Variants in CYB5B observed in about 807,000 individuals in gnomAD.
The protein encoded by CYB5B is cytochrome b5 type B (outer mitochondrial membrane).
Under a neutral mutation model 21.3 loss-of-function variants are expected in CYB5B, and 14 were observed. The ratio of observed to expected loss-of-function variants is 0.66; its 90% CI spans 0.43 to 1.03. The LOEUF is 1.03. CYB5B is among the 50% of genes least tolerant of loss of function. The pLI, the probability that CYB5B is intolerant of heterozygous loss-of-function variation, is 0.00. For missense variants in CYB5B, 166 were observed against 185.1 expected, an observed-to-expected ratio of 0.90 and a Z score of 0.60; for synonymous variants, 69 against 68.4, an observed-to-expected ratio of 1.01 and a Z score of -0.04.
At chr16:69,459,363 T>G in intron 4 of CYB5B, 1 of 447,430 alleles carries the variant, frequency 2.2e-6, no homozygotes, top group South Asian at 4.0e-5. Flanking sequence ...TATTGTGACA[T>G]AAATTGGAAT....
At chr16:69,446,044 C>A (rs1013891534) in intron 1 of CYB5B, among the ~76,000 whole-genome samples, 4 of 152,086 alleles carry the variant, frequency 2.6e-5, no homozygotes, top group African/African-American at 9.7e-5. Flanking sequence ...TCACCATTTT[C>A]AGAGAGATTT....
chr16:69,462,705 C>G lies in CYB5B; in HGVS notation c.*185C>G. On this transcript the variant is annotated 3_prime_UTR_variant, in exon 5 of 5. Transcript: ENST00000307892. ...GCGTCTTCCATCTCTCAGAGCCTTA[C>G]TCCCAAAGTACCTGCTCACTGTTCC... 1 of 576,756 alleles carries G rather than the reference C, an allele frequency of 1.7e-6. No homozygotes were observed. Among genetic ancestry groups the G allele is most frequent in the Non-Finnish European group, 3.1e-6 (1 of 321,218 alleles). The allele number at this position is 576,756 out of a possible 1,614,324, so 35.7% of individuals were successfully genotyped here. A position where few individuals can be genotyped will look rare whatever the true frequency, so the allele number is the denominator to read the frequency against.
intron 1 of CYB5B, among the ~76,000 whole-genome samples, chr16:69,431,374 A>G (rs987018399): frequency 2.0e-5 from 3 of 152,166 alleles, no homozygotes; most frequent in African/African-American, 7.2e-5. Flanking sequence ...TATTAACCCA[A>G]CAAATATTTG....
chr16:69,444,609 A>G (rs1446084116), intron 1 of CYB5B, among the ~76,000 whole-genome samples: 1 of 152,186 alleles, frequency 6.6e-6, no homozygotes, highest in Non-Finnish European at 1.5e-5. Flanking sequence ...TTTTAGAGTG[A>G]AAGTTATTAA....
Position 69,462,858 on chromosome 16 carries a change from T to G in CYB5B, c.*338T>G. The stretch of plus-strand genomic sequence containing the variant: ...TAAAAATGCCTGCTTTCCAATACTT[T>G]GATTGCATATTAGACATTCTTAACA... On this transcript the variant is annotated 3_prime_UTR_variant, in exon 5 of 5. Transcript: ENST00000307892. 5.4e-6 allele frequency: 1 copy of G among 186,170 alleles called. No individual in the cohort carries two copies. The highest frequency in any genetic ancestry group is 1.2e-5 in the Non-Finnish European group (1 of 85,464). 11.5% of individuals were successfully genotyped at this position (186,170 alleles called of 1,614,324 possible).
chr16:69,460,851 T>G (rs2015028396), intron 4 of CYB5B, among the ~76,000 whole-genome samples: 1 of 152,200 alleles, frequency 6.6e-6, no homozygotes, highest in South Asian at 2.1e-4. Context: ...GTAGTCTAGA[T>G]GGATCTCCAA....
intron 4 of CYB5B, chr16:69,459,687 A>C (rs1262882487): frequency 6.6e-6 from 1 of 152,450 alleles, no homozygotes; most frequent in African/African-American, 2.4e-5. Context: ...ATGACTGTGG[A>C]ATCCTTGGCT....
chr16:69,433,138 A>G (rs923684348), intron 1 of CYB5B, among the ~76,000 whole-genome samples: 12 of 152,162 alleles, frequency 7.9e-5, no homozygotes, highest in East Asian at 3.8e-4. Flanking sequence ...ATCTGCCTCA[A>G]TGTTTTTCAT....
chr16:69,428,675 A>G (rs2014673928), intron 1 of CYB5B, among the ~76,000 whole-genome samples: 1 of 152,152 alleles, frequency 6.6e-6, no homozygotes, highest in African/African-American at 2.4e-5. Flanking sequence ...AAAAAGAAAA[A>G]TAATACAGGG....
At chr16:69,425,997 C>T (rs1219492934) in intron 1 of CYB5B, among the ~76,000 whole-genome samples, 1 of 152,060 alleles carries the variant, frequency 6.6e-6, no homozygotes, top group Non-Finnish European at 1.5e-5. Context: ...TAAAAGTTTC[C>T]CCCAAAGAAC....
chr16:69,451,654 T>G (rs2014931874), intron 3 of CYB5B, among the ~76,000 whole-genome samples: 1 of 152,070 alleles, frequency 6.6e-6, no homozygotes, highest in African/African-American at 2.4e-5. Flanking sequence ...CAAAACAGTA[T>G]ACTATAAAAA....
At position 69,435,728 on chromosome 16, in the gene CYB5B, C is replaced by T. The variant is rs961321797; in HGVS notation, c.174+10871C>T. Among the ~76,000 whole-genome samples, 32 of 152,106 alleles carry T rather than the reference C, an allele frequency of 2.1e-4. 1 individual carries two copies. Among genetic ancestry groups the T allele is most frequent in the Admixed American group, 2.0e-3 (31 of 15,268 alleles). On this transcript the variant is annotated intron_variant, in intron 1 of 4. Transcript: ENST00000307892. ...TCTCAGCTCATTACAACCTCTGCCT[C>T]CCGGGTTCAAGCAATTCTTCTGCCT...
At chr16:69,455,870 T>A (rs182107761) in intron 3 of CYB5B, among the ~76,000 whole-genome samples, 1 of 152,244 alleles carries the variant, frequency 6.6e-6, no homozygotes, top group Non-Finnish European at 1.5e-5. Flanking sequence ...GGTGTTTTCT[T>A]CTCTCTACCC....
chr16:69,465,759 C>T lies in CYB5B; in HGVS notation c.*3239C>T, dbSNP rs1200656278. On this transcript the variant is annotated 3_prime_UTR_variant, in exon 5 of 5. Coordinates refer to ENST00000307892, the MANE Select transcript of CYB5B (RefSeq NM_030579.3). ...GAACGTTAATGTTCATTACCTCCTC[C>T]TACCCCAAGAGAAATGGATTCAGAC... is the stretch of plus-strand genomic sequence containing the variant. 3.3e-5 allele frequency: 5 copies of T among 152,216 alleles called. No individual in the cohort carries two copies. Among genetic ancestry groups the T allele is most frequent in the Non-Finnish European group, 7.3e-5 (5 of 68,040 alleles). 9.4% of individuals were successfully genotyped at this position (152,216 alleles called of 1,614,324 possible).
chr16:69,453,278 C>A lies in CYB5B; in HGVS notation c.333+5134C>A, dbSNP rs147671645. Among the ~76,000 whole-genome samples, 360 of 152,022 alleles carry A rather than the reference C, an allele frequency of 2.4e-3. 6 individuals are homozygous for A. In the East Asian group the frequency reaches 0.027, roughly 12 times the overall value. On this transcript the variant is annotated intron_variant, in intron 3 of 4. Transcript: ENST00000307892. ...ATGCTACTGACTTTTATTATACATA[C>A]AGTTTTCTGTTATATAATGTATTAT...
chr16:69,437,116 T>C (rs1411487716), intron 1 of CYB5B, among the ~76,000 whole-genome samples: 2 of 152,230 alleles, frequency 1.3e-5, no homozygotes, highest in Non-Finnish European at 2.9e-5. Context: ...AGCTGTAAAG[T>C]ATTTCACTTG....
At chr16:69,451,903 A>G (rs1285123799) in intron 3 of CYB5B, among the ~76,000 whole-genome samples, 2 of 148,274 alleles carry the variant, frequency 1.3e-5, no homozygotes, top group African/African-American at 2.5e-5. Flanking sequence ...AGATCGCGCC[A>G]CTGCACTCCA....
At chr16:69,461,452 G>C (rs1424873506) in intron 4 of CYB5B, among the ~76,000 whole-genome samples, 3 of 152,160 alleles carry the variant, frequency 2.0e-5, no homozygotes, top group Admixed American at 6.5e-5. Flanking sequence ...CTGTACGTAA[G>C]CATACAGAGT....
At position 69,462,496 on chromosome 16, in the gene CYB5B, CA is replaced by C; in HGVS notation, c.430del (p.Thr144HisfsTer59). The part of the protein sequence containing the change: ...VLLGFLYRYY[T>X]SESKSS ...TCTTAGGTTTCCTGTACCGCTACTA[CA>C]CATCGGAAAGCAAATCCTCCTGAGG... On this transcript the variant is annotated frameshift_variant, in exon 5 of 5. Transcript: ENST00000307892. LOFTEE classifies it high-confidence loss of function. 2 of 1,614,138 alleles carry C rather than the reference CA, an allele frequency of 1.2e-6. No individual in the cohort carries two copies. Among genetic ancestry groups the C allele is most frequent in the Admixed American group, 3.3e-5 (2 of 60,024 alleles).
Sources: allele counts gnomAD v4.1 joint callset (sites outside exome capture counted in the v4.1 genomes callset), GRCh38; gene constraint gnomAD v4.1.1; transcripts MANE v1.5; gene names NCBI Gene and HGNC (gene_info 2026-07-23, HGNC 2026-07-21).